The following USP54 variants were observed in gnomAD, a reference collection of about 807,000 sequenced individuals.
USP54 encodes the protein ubiquitin carboxyl-terminal hydrolase 54.
In USP54, 87 loss-of-function variants were observed where a neutral mutation model predicts 170.5. The ratio of observed to expected loss-of-function variants is 0.51; its 90% confidence interval spans 0.43 to 0.61. The LOEUF is 0.61. Among genes scored for constraint, USP54 ranks in the 20% least tolerant of loss-of-function variants. The probability of loss-of-function intolerance (pLI) is 0.00; values close to 1 mark genes in which losing one functional copy is unlikely to be tolerated. For synonymous variants in USP54, 655 were observed against 742.8 expected, an observed-to-expected ratio of 0.88 and a Z score of 1.92; for missense variants, 1,786 against 2,047.8, an observed-to-expected ratio of 0.87 and a Z score of 2.47.
chr10:73,615,530 GATTTGATTATTA>G lies in USP54; in HGVS notation c.-18+10025_-18+10036del, dbSNP rs1217057150. 7.3e-5 allele frequency among the ~76,000 whole-genome samples: 11 copies of G among 150,428 alleles called. No individual in the cohort carries two copies. In the East Asian group the frequency reaches 2.1e-3, roughly 29 times the overall value. ...AGAGGATGAATTCCCCATTTTACAT[GATTTGATTATTA>G]TGCAATGCATGCCCATATCAAAACA... On this transcript the variant is annotated intron_variant, in intron 1 of 22. Coordinates refer to the USP54 transcript ENST00000339859.
At chr10:73,510,591 T>G (rs1454784252) in intron 20 of USP54, among the ~76,000 whole-genome samples, 2 of 151,282 alleles carry the variant, frequency 1.3e-5, no homozygotes, top group African/African-American at 4.9e-5. Context: ...TTTACAGGCA[T>G]CCACCACCAC....
chr10:73,576,765 G>A (rs1371529121), intron 1 of USP54, among the ~76,000 whole-genome samples: 2 of 152,166 alleles, frequency 1.3e-5, no homozygotes. Context: ...TGTTTTCCAT[G>A]AATATGCTTA....
chr10:73,554,157 G>A (rs982614950), intron 4 of USP54, among the ~76,000 whole-genome samples: 3 of 152,176 alleles, frequency 2.0e-5, no homozygotes, highest in African/African-American at 7.2e-5. Context: ...GTCATGAGTA[G>A]AGAAGGTGAG....
intron 4 of USP54, among the ~76,000 whole-genome samples, chr10:73,557,495 T>TA (rs200503351): frequency 0.072 from 10,801 of 150,692 alleles, 1,204 homozygotes; most frequent in African/African-American, 0.24. Flanking sequence ...TAATTTTTTT[T>TA]TTTTTTTTTG....
intron 4 of USP54, among the ~76,000 whole-genome samples, chr10:73,561,104 CAAA>C (rs919887025): frequency 0.09 from 2,661 of 29,648 alleles, 17 homozygotes; most frequent in East Asian, 0.24. Flanking sequence ...GACTCCATCT[CAAA>C]AAAAAAAAAA....
intron 20 of USP54, 153 bp from the exon 21 acceptor site, chr10:73,505,579 A>T: frequency 4.7e-6 from 3 of 640,190 alleles, no homozygotes; most frequent in Non-Finnish European, 7.8e-6. Flanking sequence ...TGGAATTTAG[A>T]AGCAAGAGGG....
rs754792071 is a variant in USP54 at position 73,529,830 on chromosome 10, C to A, written c.1910G>T (p.Arg637Leu). The A allele has an allele frequency of 3.9e-5, 62 of 1,605,728 alleles. No individual in the cohort carries two copies. Among genetic ancestry groups the A allele is most frequent in the African/African-American group, 6.7e-5 (5 of 74,620 alleles). Reference protein sequence around the residue: ...KFGGPSPQYKRWGPARPGSHL... With the variant: ...KFGGPSPQYKLWGPARPGSHL... ...AGAGCCTGGCCGTGCTGGGCCCCAG[C>A]GCTTGTACTGGGGGCTTGGTCCACC... Residue 637 changes from arginine to leucine, a missense_variant, in exon 15 of 24, where the codon CGC becomes CTC. Physicochemically the swap from Arg to Leu is moderately radical, Grantham distance 102. Transcript: ENST00000687698.
At chr10:73,531,248 G>A (rs972359155) in intron 12 of USP54, among the ~76,000 whole-genome samples, 4 of 149,886 alleles carry the variant, frequency 2.7e-5, no homozygotes, top group Admixed American at 2.0e-4. Context: ...CCGAGATCAC[G>A]CCACTGCACT....
intron 22 of USP54, 181 bp downstream of exon 22, chr10:73,504,669 T>C: frequency 1.2e-6 from 1 of 818,822 alleles, no homozygotes; most frequent in Non-Finnish European, 1.9e-6. Flanking sequence ...TGGACATTCC[T>C]CTGGGCTCCA....
At chr10:73,522,831 A>G (rs959401408) in intron 17 of USP54, among the ~76,000 whole-genome samples, 2 of 152,230 alleles carry the variant, frequency 1.3e-5, no homozygotes, top group Non-Finnish European at 2.9e-5. Context: ...GTCAACAGAA[A>G]ACAGCCAGCA....
chr10:73,522,790 T>G (rs2062118377), intron 17 of USP54, among the ~76,000 whole-genome samples: 1 of 152,172 alleles, frequency 6.6e-6, no homozygotes, highest in Admixed American at 6.5e-5. Context: ...CCCAAGAAGA[T>G]TCTCTAAGTG....
intron 17 of USP54, among the ~76,000 whole-genome samples, chr10:73,523,349 C>T (rs923861002): frequency 5.3e-5 from 8 of 152,126 alleles, no homozygotes; most frequent in Non-Finnish European, 1.0e-4. Flanking sequence ...TATTCATGAA[C>T]GATATACTAT....
chr10:73,625,623 C>G (rs1411463158), exon 1 of USP54: 1 of 152,694 alleles, frequency 6.5e-6, no homozygotes, highest in Non-Finnish European at 1.5e-5. Context: ...AGCCTGGTCC[C>G]TTTATCCAGT....
chr10:73,543,743 T>C (rs1318143896), intron 5 of USP54, among the ~76,000 whole-genome samples: 1 of 152,140 alleles, frequency 6.6e-6, no homozygotes, highest in Non-Finnish European at 1.5e-5. Context: ...TTTACATGCA[T>C]TCATTTGTGT....
intron 12 of USP54, among the ~76,000 whole-genome samples, chr10:73,532,511 G>A (rs1038715992): frequency 6.6e-6 from 1 of 152,298 alleles, no homozygotes; most frequent in East Asian, 1.9e-4. Context: ...CAATGGGCAT[G>A]TTCAAACCAT....
At chr10:73,526,844 C>T in intron 15 of USP54, 64 bp from the exon 16 acceptor site, 2 of 1,522,674 alleles carry the variant, frequency 1.3e-6, no homozygotes, top group Non-Finnish European at 1.8e-6. Flanking sequence ...ATTCCTAGGA[C>T]TAAATCTCTC....
chr10:73,513,607 A>G (rs1189881621), intron 20 of USP54: 2 of 152,240 alleles, frequency 1.3e-5, no homozygotes, highest in Non-Finnish European at 2.9e-5. Context: ...ATAACATGAG[A>G]AAGTCATGAT....
chr10:73,545,505 C>T lies in USP54; in HGVS notation c.375+33G>A, dbSNP rs760290600. ...GATGGAGACCATCAGCAGTCCCACC[C>T]CATATCAAAGAGGGCCAGAGGCCAG... On this transcript the variant is annotated intron_variant, in intron 5 of 23. Coordinates refer to ENST00000687698, the MANE Select transcript of USP54 (RefSeq NM_001391956.1). 4 of 1,612,356 alleles carry T rather than the reference C, an allele frequency of 2.5e-6. No homozygotes were observed. In the Admixed American group the frequency reaches 6.7e-5, roughly 27 times the overall value.
chr10:73,523,654 T>C lies in USP54; in HGVS notation c.2291A>G (p.Glu764Gly). The change falls in exon 17 of 24, where the codon GAG becomes GGG. Residue 764 changes from glutamate to glycine, a missense_variant. Glu to Gly is a moderately conservative substitution (Grantham distance 98). Around this residue, in one of 3 missense-constraint regions of USP54, gnomAD observed 1,418 missense variants for 1,569.0 expected, o/e 0.90. Coordinates refer to ENST00000687698, the MANE Select transcript of USP54 (RefSeq NM_001391956.1). ...GTTAAACCCTTTCGCTGCCTCTAAC[T>C]CCTTCTCCCGTTTTCTTCGAAGTTC... is the stretch of plus-strand genomic sequence containing the variant. ...EQELRRKREK[E>G]LEAAKGFNPH... 1 of 1,613,896 alleles carries C rather than the reference T, an allele frequency of 6.2e-7. No individual in the cohort carries two copies. Among genetic ancestry groups the C allele is most frequent in the Non-Finnish European group, 8.5e-7 (1 of 1,179,848 alleles).
Sources: allele counts gnomAD v4.1 joint callset (sites outside exome capture counted in the v4.1 genomes callset), GRCh38; gene constraint gnomAD v4.1.1; regional missense constraint gnomAD v4.1.1; transcripts MANE v1.5; gene names NCBI Gene and HGNC (gene_info 2026-07-23, HGNC 2026-07-21).